MSRA: variants seen among roughly 807,000 people sequenced by gnomAD.
The protein encoded by MSRA is methionine sulfoxide reductase A, also known as mitochondrial peptide methionine sulfoxide reductase.
In MSRA, 54 loss-of-function variants were observed where a neutral mutation model predicts 31.3. The observed-to-expected ratio is 1.73, with a 90% confidence interval of 1.39 to 2.17. The LOEUF (loss-of-function observed/expected upper bound fraction) is 2.17, where lower values mean the gene tolerates loss of function less well. Ranked by LOEUF, MSRA falls within the 30% of genes most tolerant of loss-of-function variation. The probability of loss-of-function intolerance (pLI) is 0.00; values close to 1 mark genes in which losing one functional copy is unlikely to be tolerated. For synonymous variants in MSRA, 169 were observed against 116.5 expected (o/e 1.45, Z -2.90); for missense variants, 507 against 300.9 (o/e 1.69, Z -5.07).
chr8:10,338,653 A>G (rs992236664), intron 5 of MSRA, among the ~76,000 whole-genome samples: 1 of 152,264 alleles, frequency 6.6e-6, no homozygotes, highest in African/African-American at 2.4e-5. Flanking sequence ...AATTTAAAGA[A>G]GAATTGTATA....
chr8:10,423,518 G>A lies in MSRA; in HGVS notation c.544-4630G>A, dbSNP rs910360310. ...AGTGGACTTGGGGTGGGGCGGGGAGGGGGGGTGGCAGCAGAGGAACCATCT... is the reference window on the plus strand; with the variant it reads ...AGTGGACTTGGGGTGGGGCGGGGAGAGGGGGTGGCAGCAGAGGAACCATCT... On this transcript the variant is annotated intron_variant, in intron 5 of 5. Transcript: ENST00000317173. Among the ~76,000 whole-genome samples the A allele has an allele frequency of 2.6e-5, 4 of 152,212 alleles. No homozygotes were observed. The East Asian group carries it at 7.7e-4, about 29-fold the overall frequency.
intron 5 of MSRA, among the ~76,000 whole-genome samples, chr8:10,388,013 G>C (rs57952229): frequency 0.12 from 18,047 of 152,172 alleles, 1,217 homozygotes; most frequent in Middle Eastern, 0.19. Context: ...GGGAAAAAAA[G>C]TTTGTTCTCC....
intron 5 of MSRA, among the ~76,000 whole-genome samples, chr8:10,360,873 C>T (rs908563098): frequency 4.6e-5 from 7 of 152,256 alleles, no homozygotes; most frequent in African/African-American, 1.7e-4. Context: ...GGAGTTCATG[C>T]CTGCCACTCC....
intron 5 of MSRA, among the ~76,000 whole-genome samples, chr8:10,320,904 G>A (rs540679457): frequency 3.3e-5 from 5 of 152,266 alleles, no homozygotes; most frequent in African/African-American, 1.2e-4. Context: ...TATTGGCTTA[G>A]TGCTAACCCT....
chr8:10,115,760 A>T (rs1005285732), intron 1 of MSRA, among the ~76,000 whole-genome samples: 2 of 152,210 alleles, frequency 1.3e-5, no homozygotes, highest in Non-Finnish European at 2.9e-5. Context: ...CCGCAGGGCA[A>T]GGACGTCATC....
chr8:10,201,372 A>G (rs554375094), intron 1 of MSRA, among the ~76,000 whole-genome samples: 2 of 152,152 alleles, frequency 1.3e-5, no homozygotes, highest in South Asian at 4.1e-4. Context: ...AGACTCTTCC[A>G]GTCCTGAGAT....
intron 1 of MSRA, among the ~76,000 whole-genome samples, chr8:10,189,441 G>A (rs1019430203): frequency 2.4e-4 from 36 of 152,144 alleles, no homozygotes; most frequent in African/African-American, 7.2e-5. Context: ...GGCTGAGAAC[G>A]TTCGGTCTGT....
At chr8:10,346,343 T>A (rs1803772953) in intron 5 of MSRA, among the ~76,000 whole-genome samples, 1 of 152,200 alleles carries the variant, frequency 6.6e-6, no homozygotes, top group Admixed American at 6.5e-5. Context: ...GCTCATGGCT[T>A]ATAAGGTCCT....
chr8:10,292,750 G>A (rs1357942002), intron 3 of MSRA, among the ~76,000 whole-genome samples: 2 of 152,210 alleles, frequency 1.3e-5, no homozygotes, highest in African/African-American at 2.4e-5. Flanking sequence ...ACTGTGGGTA[G>A]CCTGGGACAC....
At chr8:10,172,394 C>G (rs746578770) in intron 1 of MSRA, among the ~76,000 whole-genome samples, 6 of 152,050 alleles carry the variant, frequency 3.9e-5, no homozygotes, top group Non-Finnish European at 5.9e-5. Flanking sequence ...CATTCTGGCG[C>G]TGTCTCTGAA....
chr8:10,229,755 A>G (rs1811307455), intron 2 of MSRA, among the ~76,000 whole-genome samples: 1 of 152,228 alleles, frequency 6.6e-6, no homozygotes, highest in East Asian at 1.9e-4. Context: ...GCCACACAGT[A>G]AGTGTTTCAG....
At chr8:10,087,109 G>T (rs1213114318) in intron 1 of MSRA, among the ~76,000 whole-genome samples, 1 of 152,164 alleles carries the variant, frequency 6.6e-6, no homozygotes, top group Non-Finnish European at 1.5e-5. Context: ...GGTTGTGTTT[G>T]CAAAGTGTCT....
At chr8:10,378,275 G>A (rs759818367) in intron 5 of MSRA, among the ~76,000 whole-genome samples, 1 of 152,128 alleles carries the variant, frequency 6.6e-6, no homozygotes, top group South Asian at 2.1e-4. Flanking sequence ...AGCAGCCTGC[G>A]TTCCTTCTGG....
chr8:10,286,703 A>T (rs1022587792), intron 3 of MSRA, among the ~76,000 whole-genome samples: 3 of 152,244 alleles, frequency 2.0e-5, no homozygotes, highest in Non-Finnish European at 4.4e-5. Flanking sequence ...GAGTTCTCCA[A>T]GAGCAGGCTC....
intron 1 of MSRA, among the ~76,000 whole-genome samples, chr8:10,062,069 C>T (rs1797226740): frequency 6.6e-6 from 1 of 152,178 alleles, no homozygotes; most frequent in African/African-American, 2.4e-5. Flanking sequence ...GAGACATCAG[C>T]CTGGGGCATG....
chr8:10,338,863 G>A (rs1235943410), intron 5 of MSRA, among the ~76,000 whole-genome samples: 1 of 152,144 alleles, frequency 6.6e-6, no homozygotes, highest in African/African-American at 2.4e-5. Context: ...CTTTGGGGGT[G>A]TTTTTGAGGC....
chr8:10,249,207 G>A (rs1048008958), intron 3 of MSRA, among the ~76,000 whole-genome samples: 6 of 152,170 alleles, frequency 3.9e-5, no homozygotes, highest in African/African-American at 1.4e-4. Flanking sequence ...ATTATTTACA[G>A]AAAGAAAATG....
Position 10,142,931 on chromosome 8 carries a change from C to G in MSRA, c.143-64902C>G, listed in dbSNP as rs540927433. Among the ~76,000 whole-genome samples, 7 of 152,192 alleles carry G rather than the reference C, an allele frequency of 4.6e-5. No individual in the cohort carries two copies. In the South Asian group the frequency reaches 1.2e-3, roughly 27 times the overall value. Reference sequence around the variant, plus strand: ...AAACTCTAATTGAAAATTAAACATTCTTCAGAACAAAGAAAGCACCTTCCT... The same window carrying G: ...AAACTCTAATTGAAAATTAAACATTGTTCAGAACAAAGAAAGCACCTTCCT... On this transcript the variant is annotated intron_variant, in intron 1 of 5. Transcript: ENST00000317173.
At chr8:10,329,760 C>T (rs1252911805) in intron 5 of MSRA, among the ~76,000 whole-genome samples, 1 of 150,964 alleles carries the variant, frequency 6.6e-6, no homozygotes, top group Non-Finnish European at 1.5e-5. Context: ...ATCTGGCTTG[C>T]CCTGAACCCC....
Sources: gnomAD v4.1 joint callset for allele counts (sites outside exome capture counted in the v4.1 genomes callset) on GRCh38, gnomAD v4.1.1 for gene constraint, MANE v1.5 for transcripts, NCBI Gene and HGNC (gene_info 2026-07-23, HGNC 2026-07-21) for gene names.